DNAH6: variants seen among roughly 807,000 people sequenced by gnomAD.
DNAH6 encodes the protein dynein axonemal heavy chain 6, also known as axonemal beta dynein heavy chain 6.
Under a neutral mutation model 491.4 loss-of-function variants are expected in DNAH6, and 340 were observed. That is an observed-to-expected ratio of 0.69 (90% CI 0.63 to 0.76). DNAH6 has a LOEUF of 0.76. Ranked by LOEUF, DNAH6 falls within the 30% of genes least tolerant of loss-of-function variation. DNAH6 has a pLI of 0.00. For missense variants in DNAH6, 4,443 were observed against 4,972.2 expected, an observed-to-expected ratio of 0.89 and a Z score of 3.20; for synonymous variants, 1,603 against 1,686.1, an observed-to-expected ratio of 0.95 and a Z score of 1.21.
Position 84,617,007 on chromosome 2 carries a change from TA to T in DNAH6, c.3572+26del, listed in dbSNP as rs1391756878. Reference sequence around the variant, plus strand: ...GGTAAGTTTATAAAGCAACCTAAGATATTTTTTAGTAGTTATGACTGTCAAT... The same window carrying T: ...GGTAAGTTTATAAAGCAACCTAAGATTTTTTTAGTAGTTATGACTGTCAAT... On this transcript the variant is annotated intron_variant, in intron 23 of 76. Coordinates refer to ENST00000389394, the MANE Select transcript of DNAH6 (RefSeq NM_001370.2). The T allele has an allele frequency of 5.4e-6, 7 of 1,284,788 alleles. No individual in the cohort carries two copies. The South Asian group carries it at 6.1e-5, about 11-fold the overall frequency. 79.6% of individuals were successfully genotyped at this position (1,284,788 alleles called of 1,614,324 possible). A position where few individuals can be genotyped will look rare whatever the true frequency, so the allele number is the denominator to read the frequency against.
intron 29 of DNAH6, among the ~76,000 whole-genome samples, chr2:84,631,006 C>A (rs544359821): frequency 6.6e-6 from 1 of 152,152 alleles, no homozygotes; most frequent in Admixed American, 6.5e-5. Context: ...ATAGAAATAA[C>A]ACCAAAACTT....
Position 84,732,395 on chromosome 2 carries a change from C to T in DNAH6, c.10207-1049C>T, listed in dbSNP as rs74526183. ...AGGTGGAAACAGCCCAAAAGTCCAT[C>T]AACTGATAGATAAATAAAATGTGGT... On this transcript the variant is annotated intron_variant, in intron 61 of 76. Coordinates refer to ENST00000389394, the MANE Select transcript of DNAH6 (RefSeq NM_001370.2). 4.1e-3 allele frequency among the ~76,000 whole-genome samples: 622 copies of T among 152,226 alleles called. 2 individuals are homozygous for T. Among genetic ancestry groups the T allele is most frequent in the South Asian group, 7.5e-3 (36 of 4,818 alleles).
chr2:84,588,222 A>G (rs1390683197), intron 15 of DNAH6, among the ~76,000 whole-genome samples: 1 of 152,200 alleles, frequency 6.6e-6, no homozygotes, highest in Non-Finnish European at 1.5e-5. Flanking sequence ...GGCCATGCTG[A>G]CTAAGACTTG....
the DNAH6 span, among the ~76,000 whole-genome samples, chr2:84,499,887 GT>G: frequency 0.85 from 125,458 of 147,520 alleles, 53,964 homozygotes; most frequent in South Asian, 0.93. Flanking sequence ...CAGGTTATTA[GT>G]TTTTTTTTTT....
the DNAH6 span, among the ~76,000 whole-genome samples, chr2:84,486,766 A>G: frequency 3.9e-5 from 6 of 152,340 alleles, no homozygotes; most frequent in Non-Finnish European, 8.8e-5. Context: ...TATGCAATAG[A>G]AGAACAAAAC....
At chr2:84,657,687 A>G (rs955462406) in intron 35 of DNAH6, among the ~76,000 whole-genome samples, 5 of 152,064 alleles carry the variant, frequency 3.3e-5, no homozygotes, top group Non-Finnish European at 5.9e-5. Context: ...ATAATTACCT[A>G]TGAGTTCCAG....
chr2:84,533,810 A>T (rs17025195), intron 4 of DNAH6, among the ~76,000 whole-genome samples: 3,599 of 152,236 alleles, frequency 0.024, 56 homozygotes, highest in Middle Eastern at 0.092. Flanking sequence ...CTAAAAGCAG[A>T]CTCCAGTGAA....
intron 28 of DNAH6, 136 bp downstream of exon 28, chr2:84,624,756 T>A (rs1687702611): frequency 1.6e-6 from 2 of 1,237,250 alleles, no homozygotes; most frequent in East Asian, 2.6e-5. Flanking sequence ...ATTTGCATTA[T>A]TTAATTATGT....
intron 13 of DNAH6, 50 bp downstream of exon 13, chr2:84,577,458 T>C (rs1268208219): frequency 7.3e-7 from 1 of 1,368,892 alleles, no homozygotes; most frequent in Non-Finnish European, 9.8e-7. Context: ...AATTATTTTA[T>C]GATTTTTCTA....
intron 33 of DNAH6, among the ~76,000 whole-genome samples, chr2:84,648,539 G>A (rs542925214): frequency 1.1e-4 from 16 of 152,330 alleles, no homozygotes; most frequent in South Asian, 4.1e-4. Context: ...TTTGGAAACA[G>A]TTGATTCCAA....
At chr2:84,643,621 A>C (rs759320257) in intron 33 of DNAH6, among the ~76,000 whole-genome samples, 14 of 152,244 alleles carry the variant, frequency 9.2e-5, no homozygotes, top group African/African-American at 1.4e-4. Context: ...TCAAGCTCAG[A>C]GATACTTTCC....
intron 24 of DNAH6, 111 bp from the exon 25 acceptor site, chr2:84,621,080 G>A (rs1413833139): frequency 9.5e-7 from 1 of 1,051,062 alleles, no homozygotes; most frequent in Non-Finnish European, 1.4e-6. Context: ...CAGTATTTGT[G>A]GTCAGGCTTC....
chr2:84,688,659 A>G, intron 45 of DNAH6, 66 bp downstream of exon 45: 1 of 1,331,364 alleles, frequency 7.5e-7, no homozygotes. Context: ...GGGTAAAAAA[A>G]TAAGTTGTAT....
At chr2:84,510,326 G>A in the DNAH6 span, among the ~76,000 whole-genome samples, 1 of 151,962 alleles carries the variant, frequency 6.6e-6, no homozygotes, top group South Asian at 2.1e-4. Flanking sequence ...TCATTCATTT[G>A]ATCTTCCATC....
At chr2:84,746,977 T>C (rs1673029623) in intron 63 of DNAH6, among the ~76,000 whole-genome samples, 1 of 152,146 alleles carries the variant, frequency 6.6e-6, no homozygotes, top group Non-Finnish European at 1.5e-5. Flanking sequence ...ATTCACTCAT[T>C]TCTATGGAGA....
intron 3 of DNAH6, among the ~76,000 whole-genome samples, chr2:84,526,580 C>G (rs538879897): frequency 6.6e-6 from 1 of 152,242 alleles, no homozygotes; most frequent in South Asian, 2.1e-4. Context: ...AAAAAGCCAC[C>G]TTTGGGAGTT....
At chr2:84,596,343 GT>G (rs1684577901) in intron 18 of DNAH6, among the ~76,000 whole-genome samples, 1 of 152,040 alleles carries the variant, frequency 6.6e-6, no homozygotes, top group Admixed American at 6.6e-5. Flanking sequence ...TTGTTTGTTT[GT>G]TTTTTGTTCA....
At chr2:84,479,612 G>C in the DNAH6 span, among the ~76,000 whole-genome samples, 1 of 152,346 alleles carries the variant, frequency 6.6e-6, no homozygotes, top group South Asian at 2.1e-4. Flanking sequence ...GACCCTGAAT[G>C]TAGCTGAAGA....
intron 65 of DNAH6, among the ~76,000 whole-genome samples, chr2:84,782,747 G>T (rs971739760): frequency 9.9e-5 from 15 of 152,140 alleles, no homozygotes; most frequent in Non-Finnish European, 2.1e-4. Flanking sequence ...TAATTAAAGA[G>T]AAATGACAAG....
Sources: allele counts gnomAD v4.1 joint callset (sites outside exome capture counted in the v4.1 genomes callset), GRCh38; gene constraint gnomAD v4.1.1; transcripts MANE v1.5; gene names NCBI Gene and HGNC (gene_info 2026-07-23, HGNC 2026-07-21).